ALX1: variants seen among roughly 807,000 people sequenced by gnomAD.
ALX1 encodes the protein ALX homeobox protein 1.
ALX1 carries 19 observed loss-of-function variants against 31.7 expected under a neutral mutation model. That is an observed-to-expected ratio of 0.60 (90% CI 0.42 to 0.88). ALX1 has a LOEUF of 0.88. Ranked by LOEUF, ALX1 falls within the 40% of genes least tolerant of loss-of-function variation. The pLI, the probability that ALX1 is intolerant of heterozygous loss-of-function variation, is 0.00. For synonymous variants in ALX1, 153 were observed against 148.8 expected (o/e 1.03, Z -0.20); for missense variants, 415 against 407.8 (o/e 1.02, Z -0.15).
chr12:85,292,028 T>G (rs1896825023), intron 3 of ALX1, among the ~76,000 whole-genome samples: 1 of 151,126 alleles, frequency 6.6e-6, no homozygotes, highest in Non-Finnish European at 1.5e-5. Flanking sequence ...ACAAACTTGT[T>G]TATGCAAATT....
chr12:85,286,903 C>A lies in ALX1; in HGVS notation c.582C>A (p.Gly194=). 1 of 1,611,834 alleles carries A rather than the reference C, an allele frequency of 6.2e-7. No homozygotes were observed. The highest frequency in any genetic ancestry group is 8.5e-7 in the Non-Finnish European group (1 of 1,178,458). The stretch of plus-strand genomic sequence containing the variant: ...AATGGAGAAAAAGGGAACGTTATGG[C>A]CAAATACAACAAGCGAAAAGCCATT... ...RAKWRKRERY[G]QIQQAKSHFA... Residue 194 remains glycine (G), a synonymous_variant, in exon 3 of 4, where the codon GGC becomes GGA. Coordinates refer to ENST00000316824, the MANE Select transcript of ALX1 (RefSeq NM_006982.3).
In ALX1 at chr12:85,280,356, T is replaced by G; in HGVS notation, c.95T>G (p.Met32Arg). The G allele has an allele frequency of 6.2e-7, 1 of 1,613,932 alleles. No individual in the cohort carries two copies. Among genetic ancestry groups the G allele is most frequent in the South Asian group, 1.1e-5 (1 of 91,086 alleles). ...MGAGGPLEHV[M>R]ETLDNESFYS... is the part of the protein sequence containing the mutation. The stretch of plus-strand genomic sequence containing the variant: ...GCAGGAGGTCCTCTGGAGCACGTTA[T>G]GGAGACGCTGGACAATGAGTCCTTT... Residue 32 changes from methionine (M) to arginine (R), a missense_variant, in exon 1 of 4, where the codon ATG becomes AGG. Coordinates refer to ENST00000316824, the MANE Select transcript of ALX1 (RefSeq NM_006982.3).
At position 85,287,064 on chromosome 12, in the gene ALX1, A is replaced by G. The variant is rs1896758363; in HGVS notation, c.660+83A>G. On this transcript the variant is annotated intron_variant, in intron 3 of 3. Transcript: ENST00000316824. ...TAAAATGGTTAGCATAGGCTTTATTATATGTAAGATAATAGCCAAGAATGA... is the reference window on the plus strand; with the variant it reads ...TAAAATGGTTAGCATAGGCTTTATTGTATGTAAGATAATAGCCAAGAATGA... 2.0e-6 allele frequency: 3 copies of G among 1,474,964 alleles called. No homozygotes were observed. The African/African-American group carries it at 4.2e-5, about 21-fold the overall frequency. The allele number at this position is 1,474,964 out of a possible 1,614,324, so 91.4% of individuals were successfully genotyped here.
At position 85,301,356 on chromosome 12, in the gene ALX1, G is replaced by A. The variant is rs1896963540; in HGVS notation, c.862G>A (p.Gly288Arg). The A allele has an allele frequency of 3.1e-6, 5 of 1,613,848 alleles. No individual in the cohort carries two copies. The highest frequency in any genetic ancestry group is 2.2e-5 in the South Asian group (2 of 91,080). ...NNFFTDSLLTGATNGHAFETK... is the reference protein window; with the variant it reads ...NNFFTDSLLTRATNGHAFETK... ...TTTTTTCACTGACTCTCTTCTTACTGGGGCAACCAATGGACATGCATTTGA... is the reference window on the plus strand; with the variant it reads ...TTTTTTCACTGACTCTCTTCTTACTAGGGCAACCAATGGACATGCATTTGA... The change falls in exon 4 of 4, where the codon GGG (glycine) becomes AGG (arginine). Residue 288 changes from glycine (G) to arginine (R), a missense_variant. Around this residue, in one of 3 missense-constraint regions of ALX1, gnomAD observed 174 missense variants for 177.5 expected, o/e 0.98. Coordinates refer to ENST00000316824, the MANE Select transcript of ALX1 (RefSeq NM_006982.3).
intron 3 of ALX1, among the ~76,000 whole-genome samples, chr12:85,293,935 T>C (rs1324624428): frequency 6.6e-6 from 1 of 151,216 alleles, no homozygotes; most frequent in Non-Finnish European, 1.5e-5. Context: ...GGATTTTCTT[T>C]TTTATTCTGC....
chr12:85,282,700 A>C (rs1259658962), intron 1 of ALX1, among the ~76,000 whole-genome samples: 1 of 152,210 alleles, frequency 6.6e-6, no homozygotes, highest in East Asian at 1.9e-4. Context: ...GCAAGCATGC[A>C]ATCAAATCTG....
chr12:85,296,828 C>T (rs12320549), intron 3 of ALX1, among the ~76,000 whole-genome samples: 21,908 of 151,360 alleles, frequency 0.14, 3,187 homozygotes, highest in African/African-American at 0.37. Flanking sequence ...ACGAAAACAC[C>T]GTAAAATTAT....
Position 85,293,863 on chromosome 12 carries a change from T to A in ALX1, c.660+6882T>A, listed in dbSNP as rs375073893. ...GTTCACCCTATTGTTAGTGTGAACC[T>A]TATGATATACTTTAATCCAGAATTA... On this transcript the variant is annotated intron_variant, in intron 3 of 3. Transcript: ENST00000316824. Among the ~76,000 whole-genome samples the A allele has an allele frequency of 8.5e-4, 128 of 151,338 alleles. 6 individuals are homozygous for A. The South Asian group carries it at 0.025, about 30-fold the overall frequency.
At chr12:85,291,002 G>A (rs1211717094) in intron 3 of ALX1, among the ~76,000 whole-genome samples, 1 of 151,010 alleles carries the variant, frequency 6.6e-6, no homozygotes, top group African/African-American at 2.4e-5. Flanking sequence ...ATAGACATTG[G>A]ATAGATATGA....
intron 3 of ALX1, among the ~76,000 whole-genome samples, chr12:85,291,140 C>T (rs1405508999): frequency 6.6e-6 from 1 of 151,140 alleles, no homozygotes; most frequent in Non-Finnish European, 1.5e-5. Context: ...AAGCAATTAA[C>T]TTTTCCTCAA....
Position 85,286,762 on chromosome 12 carries a change from G to T in ALX1, c.532-91G>T, listed in dbSNP as rs1896753830. On this transcript the variant is annotated intron_variant, in intron 2 of 3. Transcript: ENST00000316824. ...TCTTTTTACGTAATTTTTTTAACCT[G>T]GTTTACCTTTCTTGTTTGATGTCTT... 4.9e-6 allele frequency: 6 copies of T among 1,214,588 alleles called. No individual in the cohort carries two copies. In the African/African-American group the frequency reaches 9.4e-5, roughly 19 times the overall value. 75.2% of individuals were successfully genotyped at this position (1,214,588 alleles called of 1,614,324 possible).
In ALX1 at chr12:85,280,406, T is replaced by A. The variant is rs1243906545; in HGVS notation, c.145T>A (p.Cys49Ser). ...TTACAGCAAAGCGTCTGCAGGCAAA[T>A]GCGTGCAGGCCTTCGGACCCCTGCC... is the stretch of plus-strand genomic sequence containing the variant. ...SFYSKASAGKCVQAFGPLPRA... is the reference protein window; with the variant it reads ...SFYSKASAGKSVQAFGPLPRA... The change falls in exon 1 of 4, where the codon TGC becomes AGC. Residue 49 changes from cysteine to serine, a missense_variant. This residue lies in a region of ALX1 where 235 missense variants were observed against 208.9 expected (regional missense o/e 1.13). Coordinates refer to ENST00000316824, the MANE Select transcript of ALX1 (RefSeq NM_006982.3). The A allele has an allele frequency of 2.1e-5, 34 of 1,613,320 alleles. No homozygotes were observed. Among genetic ancestry groups the A allele is most frequent in the African/African-American group, 2.7e-5 (2 of 74,906 alleles).
At chr12:85,300,436 A>G (rs1301951107) in intron 3 of ALX1, among the ~76,000 whole-genome samples, 2 of 152,088 alleles carry the variant, frequency 1.3e-5, no homozygotes, top group East Asian at 3.8e-4. Flanking sequence ...TTTCTCAGCT[A>G]TGATTCCATT....
chr12:85,296,747 C>T (rs542062527), intron 3 of ALX1, among the ~76,000 whole-genome samples: 1 of 151,326 alleles, frequency 6.6e-6, no homozygotes, highest in Non-Finnish European at 1.5e-5. Flanking sequence ...TTTTAAAAAA[C>T]ACACATACAA....
At chr12:85,281,188 A>T (rs975643249) in intron 1 of ALX1, among the ~76,000 whole-genome samples, 6 of 152,168 alleles carry the variant, frequency 3.9e-5, no homozygotes, top group African/African-American at 1.4e-4. Flanking sequence ...TCATTCCCAG[A>T]TTCTACGTTT....
intron 3 of ALX1, among the ~76,000 whole-genome samples, chr12:85,299,983 T>C (rs546806825): frequency 2.0e-5 from 3 of 152,128 alleles, no homozygotes; most frequent in Admixed American, 2.0e-4. Context: ...TCCAAATGTA[T>C]TATAATAATG....
chr12:85,285,091 G>T (rs1896732209), intron 2 of ALX1, among the ~76,000 whole-genome samples: 1 of 152,080 alleles, frequency 6.6e-6, no homozygotes, highest in Non-Finnish European at 1.5e-5. Flanking sequence ...AACACCCGCT[G>T]TGTAAGTTTG....
intron 2 of ALX1, 121 bp downstream of exon 2, chr12:85,283,997 G>A (rs1896715435): frequency 2.7e-6 from 3 of 1,123,272 alleles, no homozygotes; most frequent in East Asian, 2.5e-5. Flanking sequence ...ATGAGAAACG[G>A]AGTAATATAT....
At chr12:85,282,031 A>C (rs968242224) in intron 1 of ALX1, among the ~76,000 whole-genome samples, 1 of 152,186 alleles carries the variant, frequency 6.6e-6, no homozygotes, top group Admixed American at 6.5e-5. Context: ...GAACATAGGC[A>C]GTCATCCGCT....
Sources: gnomAD v4.1 joint callset for allele counts (sites outside exome capture counted in the v4.1 genomes callset) on GRCh38, gnomAD v4.1.1 for gene constraint, gnomAD v4.1.1 regional missense constraint, MANE v1.5 for transcripts, NCBI Gene and HGNC (gene_info 2026-07-23, HGNC 2026-07-21) for gene names.